KIAA1217: variants seen among roughly 807,000 people sequenced by gnomAD.
KIAA1217 encodes the protein sickle tail protein homolog.
Under a neutral mutation model 163.9 loss-of-function variants are expected in KIAA1217, and 88 were observed. The ratio of observed to expected loss-of-function variants is 0.54; its 90% CI spans 0.45 to 0.64. KIAA1217 has a LOEUF of 0.64. Ranked by LOEUF, KIAA1217 falls within the 30% of genes least tolerant of loss-of-function variation. The pLI, the probability that KIAA1217 is intolerant of heterozygous loss-of-function variation, is 0.00. For synonymous variants in KIAA1217, 903 were observed against 923.1 expected, an observed-to-expected ratio of 0.98 and a Z score of 0.39; for missense variants, 2,372 against 2,475.0, an observed-to-expected ratio of 0.96 and a Z score of 0.88.
At chr10:24,050,915 A>G (rs1849455663) in intron 2 of KIAA1217, among the ~76,000 whole-genome samples, 1 of 151,968 alleles carries the variant, frequency 6.6e-6, no homozygotes, top group Admixed American at 6.6e-5. Flanking sequence ...ACTTCTTAAC[A>G]TGGTTTCTTT....
intron 1 of KIAA1217, among the ~76,000 whole-genome samples, chr10:23,888,760 A>AT (rs1482834924): frequency 1.3e-5 from 2 of 151,928 alleles, no homozygotes; most frequent in African/African-American, 2.4e-5. Flanking sequence ...AAATGTACCC[A>AT]TTTAAAATGT....
intron 1 of KIAA1217, among the ~76,000 whole-genome samples, chr10:23,707,922 T>C (rs1289108756): frequency 6.6e-6 from 1 of 152,030 alleles, no homozygotes; most frequent in Non-Finnish European, 1.5e-5. Context: ...GATTTGAAAA[T>C]TGCTTTCAAA....
At chr10:23,739,333 T>C (rs1373771946) in intron 1 of KIAA1217, among the ~76,000 whole-genome samples, 1 of 152,210 alleles carries the variant, frequency 6.6e-6, no homozygotes, top group African/African-American at 2.4e-5. Context: ...ATTTGACCAC[T>C]ATGCAATATG....
chr10:23,780,261 T>G (rs542159221), intron 1 of KIAA1217, among the ~76,000 whole-genome samples: 2 of 152,314 alleles, frequency 1.3e-5, no homozygotes, highest in East Asian at 3.9e-4. Context: ...ATAGTTATAC[T>G]TTTTTGTGTG....
At chr10:23,733,339 A>T (rs1218274812) in intron 1 of KIAA1217, among the ~76,000 whole-genome samples, 2 of 152,322 alleles carry the variant, frequency 1.3e-5, no homozygotes, top group African/African-American at 2.4e-5. Flanking sequence ...TTTAAAATTT[A>T]AAATTTAATA....
At chr10:24,001,828 T>C (rs1846755966) in intron 1 of KIAA1217, among the ~76,000 whole-genome samples, 1 of 152,198 alleles carries the variant, frequency 6.6e-6, no homozygotes, top group African/African-American at 2.4e-5. Context: ...ATGCCATACT[T>C]AAACAAGGAG....
intron 1 of KIAA1217, among the ~76,000 whole-genome samples, chr10:23,790,691 A>G (rs1243683606): frequency 7.9e-6 from 1 of 125,952 alleles, no homozygotes; most frequent in African/African-American, 3.7e-5. Flanking sequence ...ATATGTATGT[A>G]TATATACACA....
chr10:23,865,863 C>T lies in KIAA1217; in HGVS notation c.-320-141362C>T, dbSNP rs143741491. On this transcript the variant is annotated intron_variant, in intron 1 of 18. Transcript: ENST00000376462. ...ATCCTTTCTCCAATAAATTAAAATG[C>T]CATTTTTGTCACATGTCAGTTTTTC... Among the ~76,000 whole-genome samples the T allele has an allele frequency of 6.8e-3, 1,034 of 152,118 alleles. 9 individuals are homozygous for T. The highest frequency in any genetic ancestry group is 0.011 in the Non-Finnish European group (721 of 67,972).
At chr10:24,175,625 A>G (rs191489430) in intron 2 of KIAA1217, among the ~76,000 whole-genome samples, 2 of 152,148 alleles carry the variant, frequency 1.3e-5, no homozygotes, top group African/African-American at 4.8e-5. Context: ...GAATGAAGCC[A>G]TGGACCCTCG....
intron 1 of KIAA1217, among the ~76,000 whole-genome samples, chr10:23,910,424 G>A (rs1412559285): frequency 6.6e-6 from 1 of 152,088 alleles, no homozygotes; most frequent in Non-Finnish European, 1.5e-5. Flanking sequence ...AGGACAGGAG[G>A]ACTCCCAAGG....
intron 3 of KIAA1217, among the ~76,000 whole-genome samples, chr10:24,385,795 A>G (rs2053927802): frequency 6.6e-6 from 1 of 152,222 alleles, no homozygotes; most frequent in African/African-American, 2.4e-5. Context: ...ACTAAAAAGT[A>G]AAGTGAAAAC....
intron 1 of KIAA1217, among the ~76,000 whole-genome samples, chr10:23,818,599 G>C (rs139606517): frequency 4.6e-4 from 70 of 152,068 alleles, no homozygotes; most frequent in African/African-American, 1.7e-3. Flanking sequence ...GGCATTCAGC[G>C]ACAGAAACCA....
intron 6 of KIAA1217, among the ~76,000 whole-genome samples, chr10:24,480,116 C>T (rs1173865810): frequency 6.6e-6 from 1 of 152,238 alleles, no homozygotes; most frequent in African/African-American, 2.4e-5. Flanking sequence ...ACTACCAATC[C>T]TGACCTAGCC....
intron 2 of KIAA1217, among the ~76,000 whole-genome samples, chr10:24,283,937 T>C (rs902089936): frequency 1.1e-4 from 17 of 151,426 alleles, no homozygotes; most frequent in Non-Finnish European, 1.5e-4. Context: ...TGAGACGGAG[T>C]CTCACTCTGT....
chr10:24,237,858 G>A (rs944992739), intron 2 of KIAA1217, among the ~76,000 whole-genome samples: 4 of 152,202 alleles, frequency 2.6e-5, no homozygotes, highest in African/African-American at 9.7e-5. Context: ...AACCAAGGTA[G>A]TTCTTGGTTG....
intron 1 of KIAA1217, among the ~76,000 whole-genome samples, chr10:23,936,760 T>C (rs960787421): frequency 1.3e-5 from 2 of 152,214 alleles, no homozygotes; most frequent in African/African-American, 2.4e-5. Flanking sequence ...GATAATACAT[T>C]TCTGTTGTTT....
intron 1 of KIAA1217, among the ~76,000 whole-genome samples, chr10:23,847,452 C>A (rs760279147): frequency 2.0e-5 from 3 of 151,964 alleles, no homozygotes; most frequent in African/African-American, 7.2e-5. Context: ...GGTTTAAACT[C>A]GGGAGGGTGT....
Position 24,536,762 on chromosome 10 carries a change from T to G in KIAA1217, c.3415-12T>G. 1 of 1,612,868 alleles carries G rather than the reference T, an allele frequency of 6.2e-7. No individual in the cohort carries two copies. The highest frequency in any genetic ancestry group is 8.5e-7 in the Non-Finnish European group (1 of 1,179,176). ...TTGGATCCCTGTTAACCTCAGTATT[T>G]TAATTCCTTAGGCATTCCAGAAGTG... On this transcript the variant is annotated splice_polypyrimidine_tract_variant and intron_variant, in intron 16 of 20. Coordinates refer to ENST00000376454, the MANE Select transcript of KIAA1217 (RefSeq NM_019590.5).
intron 2 of KIAA1217, among the ~76,000 whole-genome samples, chr10:24,026,701 T>C (rs541748857): frequency 1.3e-5 from 2 of 151,416 alleles, no homozygotes; most frequent in South Asian, 2.1e-4. Context: ...TTTGGTTACA[T>C]TGATTTTTTT....
Sources: gnomAD v4.1 joint callset for allele counts (sites outside exome capture counted in the v4.1 genomes callset) on GRCh38, gnomAD v4.1.1 for gene constraint, MANE v1.5 for transcripts, NCBI Gene and HGNC (gene_info 2026-07-23, HGNC 2026-07-21) for gene names.